The following EDNRA variants were observed in gnomAD, a reference collection of about 807,000 sequenced individuals.
EDNRA encodes endothelin-1 receptor.
In EDNRA, 11 loss-of-function variants were observed where a neutral mutation model predicts 41.4. The ratio of observed to expected loss-of-function variants is 0.27; its 90% CI spans 0.17 to 0.44. The LOEUF is 0.44. Ranked by LOEUF, EDNRA falls within the 20% of genes least tolerant of loss-of-function variation. EDNRA has a pLI of 1.00. For synonymous variants in EDNRA, 172 were observed against 183.0 expected (o/e 0.94, Z 0.49); for missense variants, 294 against 531.0 (o/e 0.55, Z 4.39).
chr4:147,539,869 G>T lies in EDNRA; in HGVS notation c.953G>T (p.Cys318Phe). 1 of 1,612,942 alleles carries T rather than the reference G, an allele frequency of 6.2e-7. No homozygotes were observed. The highest frequency in any genetic ancestry group is 8.5e-7 in the Non-Finnish European group (1 of 1,179,842). The change falls in exon 6 of 8, where the codon TGC becomes TTC. Residue 318 changes from cysteine (C) to phenylalanine (F), a missense_variant. This residue lies in a region of EDNRA where 185 missense variants were observed against 390.8 expected (regional missense o/e 0.47). Coordinates refer to ENST00000651419, the MANE Select transcript of EDNRA (RefSeq NM_001957.4). ...VFCLVVIFAL[C>F]WFPLHLSRIL... ...TGCTTGGTTGTAATTTTTGCTCTTT[G>T]CTGGTTCCCTCTTCATTTAAGCCGT... is the stretch of plus-strand genomic sequence containing the variant.
chr4:147,538,484 TC>T (rs1730988976), intron 5 of EDNRA, among the ~76,000 whole-genome samples: 1 of 152,194 alleles, frequency 6.6e-6, no homozygotes, highest in African/African-American at 2.4e-5. Context: ...TATCAGACTA[TC>T]ATGGCAGTGT....
At chr4:147,502,358 A>C (rs1278432890) in intron 2 of EDNRA, among the ~76,000 whole-genome samples, 2 of 152,200 alleles carry the variant, frequency 1.3e-5, no homozygotes, top group Non-Finnish European at 2.9e-5. Flanking sequence ...ATTGTCAAAT[A>C]TATAAACTCT....
chr4:147,498,183 CTG>C (rs1388420158), intron 2 of EDNRA, among the ~76,000 whole-genome samples: 2 of 152,238 alleles, frequency 1.3e-5, no homozygotes, highest in Non-Finnish European at 2.9e-5. Context: ...ATTCAGAACT[CTG>C]TGAAATGTCT....
chr4:147,483,912 G>A (rs1174389953), intron 1 of EDNRA, among the ~76,000 whole-genome samples: 1 of 151,642 alleles, frequency 6.6e-6, no homozygotes, highest in Non-Finnish European at 1.5e-5. Flanking sequence ...GTAAAGACAG[G>A]GTCTCACTAA....
chr4:147,513,213 A>AG (rs1161988415), intron 2 of EDNRA, among the ~76,000 whole-genome samples: 1 of 152,138 alleles, frequency 6.6e-6, no homozygotes, highest in African/African-American at 2.4e-5. Context: ...CAGCTCAGGG[A>AG]GGGCACCTAA....
chr4:147,516,974 C>A (rs1730136425), intron 2 of EDNRA, among the ~76,000 whole-genome samples: 1 of 147,046 alleles, frequency 6.8e-6, no homozygotes, highest in African/African-American at 2.7e-5. Flanking sequence ...TCCATATGTT[C>A]CCACTTGTTT....
chr4:147,511,560 T>C (rs1729925450), intron 2 of EDNRA, among the ~76,000 whole-genome samples: 1 of 152,234 alleles, frequency 6.6e-6, no homozygotes, highest in African/African-American at 2.4e-5. Context: ...CTTCAGAACT[T>C]ATACATTAGA....
At chr4:147,506,008 G>T in intron 2 of EDNRA, 1 of 393,026 alleles carries the variant, frequency 2.5e-6, no homozygotes, top group Non-Finnish European at 4.9e-6. Flanking sequence ...GCACTCTTGA[G>T]CATGTATCCC....
chr4:147,503,946 A>C (rs1729601146), intron 2 of EDNRA, among the ~76,000 whole-genome samples: 1 of 152,160 alleles, frequency 6.6e-6, no homozygotes, highest in Non-Finnish European at 1.5e-5. Flanking sequence ...ATTTTTATGA[A>C]AAAAATTATA....
At chr4:147,491,367 A>G (rs1729131303) in intron 2 of EDNRA, 1 of 152,132 alleles carries the variant, frequency 6.6e-6, no homozygotes, top group Admixed American at 6.5e-5. Context: ...AGCTTTACAA[A>G]AGCTGCTTCT....
At chr4:147,500,400 T>C (rs1729475142) in intron 2 of EDNRA, among the ~76,000 whole-genome samples, 1 of 152,194 alleles carries the variant, frequency 6.6e-6, no homozygotes, top group Non-Finnish European at 1.5e-5. Flanking sequence ...GACACAGATG[T>C]TCTCTGTTTA....
rs201989285 is a variant in EDNRA at position 147,542,639 on chromosome 4, C to G, written c.*21C>G. 98 of 1,612,474 alleles carry G rather than the reference C, an allele frequency of 6.1e-5. No homozygotes were observed. The highest frequency in any genetic ancestry group is 7.6e-5 in the Non-Finnish European group (90 of 1,179,466). ...ACTGACCACCCTTAGAAGCACTCCTCGGTACTCCCATAATCCTCTCGGAGA... is the reference window on the plus strand; with the variant it reads ...ACTGACCACCCTTAGAAGCACTCCTGGGTACTCCCATAATCCTCTCGGAGA... On this transcript the variant is annotated 3_prime_UTR_variant, in exon 8 of 8. Transcript: ENST00000651419.
chr4:147,523,290 C>A (rs1196969760), intron 3 of EDNRA, among the ~76,000 whole-genome samples: 1 of 152,132 alleles, frequency 6.6e-6, no homozygotes, highest in African/African-American at 2.4e-5. Context: ...TAAATTTTCT[C>A]CACAAGAGAT....
intron 1 of EDNRA, 72 bp from the exon 2 acceptor site, chr4:147,485,540 T>G: frequency 1.1e-6 from 1 of 883,042 alleles, no homozygotes; most frequent in Non-Finnish European, 1.7e-6. Context: ...ATTGAATCAA[T>G]AAATAATCAT....
intron 4 of EDNRA, 87 bp from the exon 5 acceptor site, chr4:147,535,790 A>G: frequency 6.6e-7 from 1 of 1,517,270 alleles, no homozygotes; most frequent in Non-Finnish European, 8.9e-7. Context: ...TGCAAGTTTA[A>G]AGACCTTAAA....
chr4:147,507,454 A>G (rs1416339983), intron 2 of EDNRA, among the ~76,000 whole-genome samples: 1 of 152,256 alleles, frequency 6.6e-6, no homozygotes, highest in East Asian at 1.9e-4. Flanking sequence ...TGCATACTAT[A>G]TTACTCCATT....
At chr4:147,505,638 C>G (rs113342365) in intron 2 of EDNRA, among the ~76,000 whole-genome samples, 1 of 146,358 alleles carries the variant, frequency 6.8e-6, no homozygotes, top group African/African-American at 2.6e-5. Context: ...CACCCTGCCC[C>G]GCCGGCAGTT....
At chr4:147,522,649 C>T (rs974148719) in intron 3 of EDNRA, among the ~76,000 whole-genome samples, 2 of 152,132 alleles carry the variant, frequency 1.3e-5, no homozygotes, top group Non-Finnish European at 2.9e-5. Flanking sequence ...GTCAGCATGG[C>T]TACTAAGTGC....
chr4:147,503,025 A>C (rs1050356787), intron 2 of EDNRA, among the ~76,000 whole-genome samples: 5 of 152,160 alleles, frequency 3.3e-5, no homozygotes, highest in Non-Finnish European at 7.3e-5. Flanking sequence ...TTTCCAGTAA[A>C]TAAAATAATA....
Sources: gnomAD v4.1 joint callset for allele counts (sites outside exome capture counted in the v4.1 genomes callset) on GRCh38, gnomAD v4.1.1 for gene constraint, gnomAD v4.1.1 regional missense constraint, MANE v1.5 for transcripts, NCBI Gene and HGNC (gene_info 2026-07-23, HGNC 2026-07-21) for gene names.